The following ASIC2 variants were observed in gnomAD, a reference collection of about 807,000 sequenced individuals.
ASIC2 encodes the protein acid-sensing ion channel 2.
In ASIC2, 25 loss-of-function variants were observed where a neutral mutation model predicts 57.3. That is an observed-to-expected ratio of 0.44 (90% CI 0.32 to 0.61). The LOEUF is 0.61. ASIC2 is among the 20% of genes least tolerant of loss of function. The probability of loss-of-function intolerance (pLI) is 0.06; values close to 1 mark genes in which losing one functional copy is unlikely to be tolerated. For missense variants in ASIC2, 641 were observed against 738.1 expected, an observed-to-expected ratio of 0.87 and a Z score of 1.52; for synonymous variants, 319 against 307.5, an observed-to-expected ratio of 1.04 and a Z score of -0.39.
chr17:33,086,515 G>T (rs991426679), intron 3 of ASIC2, among the ~76,000 whole-genome samples: 1 of 152,128 alleles, frequency 6.6e-6, no homozygotes, highest in Non-Finnish European at 1.5e-5. Context: ...AGGGATGTGG[G>T]TTTACTCATA....
intron 1 of ASIC2, among the ~76,000 whole-genome samples, chr17:33,824,898 G>A (rs888867762): frequency 1.3e-5 from 2 of 152,116 alleles, no homozygotes; most frequent in African/African-American, 2.4e-5. Context: ...CCAGTCTCGG[G>A]TATGTCTTTA....
At chr17:33,323,924 C>G (rs1346014118) in intron 1 of ASIC2, among the ~76,000 whole-genome samples, 1 of 151,792 alleles carries the variant, frequency 6.6e-6, no homozygotes, top group Non-Finnish European at 1.5e-5. Context: ...CTTGTTTTTG[C>G]TTTGGGCATT....
chr17:33,167,485 C>G (rs1905346707), intron 1 of ASIC2, among the ~76,000 whole-genome samples: 1 of 152,154 alleles, frequency 6.6e-6, no homozygotes, highest in South Asian at 2.1e-4. Context: ...CTGCCCTGCC[C>G]CCACTACCCC....
chr17:33,261,199 G>A (rs1909267218), intron 1 of ASIC2, among the ~76,000 whole-genome samples: 1 of 152,116 alleles, frequency 6.6e-6, no homozygotes, highest in Non-Finnish European at 1.5e-5. Flanking sequence ...CTAGCTTTTT[G>A]CCTCTTATTT....
intron 1 of ASIC2, among the ~76,000 whole-genome samples, chr17:33,400,520 C>T (rs1430768090): frequency 6.6e-6 from 1 of 152,046 alleles, no homozygotes; most frequent in Non-Finnish European, 1.5e-5. Context: ...GACTCTACTC[C>T]CTTCTTGAAG....
At chr17:34,020,331 G>C (rs1433465660) in intron 1 of ASIC2, among the ~76,000 whole-genome samples, 1 of 152,166 alleles carries the variant, frequency 6.6e-6, no homozygotes, top group Non-Finnish European at 1.5e-5. Context: ...TGACATCTCA[G>C]ATCTTCAAAT....
intron 1 of ASIC2, among the ~76,000 whole-genome samples, chr17:33,898,348 G>A (rs1004699474): frequency 7.0e-6 from 1 of 143,578 alleles, no homozygotes. Context: ...CTATTCTCCT[G>A]CCTCAACTTC....
chr17:33,518,082 G>T lies in ASIC2; in HGVS notation c.556-406015C>A, dbSNP rs894176011. 2.6e-5 allele frequency among the ~76,000 whole-genome samples: 4 copies of T among 152,156 alleles called. No homozygotes were observed. The South Asian group carries it at 8.3e-4, about 32-fold the overall frequency. ...AAATATCTATTTGCCCCTCTGATGT[G>T]CAGGAACAGTGCAAGAGATGAGTGT... On this transcript the variant is annotated intron_variant, in intron 1 of 9. Coordinates refer to the ASIC2 transcript ENST00000359872.
chr17:33,395,793 T>A (rs545832870), intron 1 of ASIC2, among the ~76,000 whole-genome samples: 2 of 152,326 alleles, frequency 1.3e-5, no homozygotes, highest in Admixed American at 6.5e-5. Context: ...GATTTTCCCA[T>A]GAGATGCCTG....
intron 1 of ASIC2, among the ~76,000 whole-genome samples, chr17:33,212,155 T>TA: frequency 6.6e-6 from 1 of 152,234 alleles, no homozygotes; most frequent in Non-Finnish European, 1.5e-5. Context: ...TCTGCACAGA[T>TA]ATCCACGTCC....
Position 33,875,053 on chromosome 17 carries a change from C to G in ASIC2, c.555+280925G>C, listed in dbSNP as rs57012419. On this transcript the variant is annotated intron_variant, in intron 1 of 9. Transcript: ENST00000359872. Reference sequence around the variant, plus strand: ...GATCATGCATTTGAGCCAATATCTACTGGAGCTATTCACCTGGAGAGCCAA... The same window carrying G: ...GATCATGCATTTGAGCCAATATCTAGTGGAGCTATTCACCTGGAGAGCCAA... 4.1e-3 allele frequency among the ~76,000 whole-genome samples: 630 copies of G among 152,264 alleles called. 30 individuals are homozygous for G. The East Asian group carries it at 0.097, about 23-fold the overall frequency.
At chr17:33,963,176 G>T (rs558981528) in intron 1 of ASIC2, among the ~76,000 whole-genome samples, 40 of 152,220 alleles carry the variant, frequency 2.6e-4, no homozygotes, top group African/African-American at 9.6e-4. Context: ...CTGGACTGGT[G>T]CCCAGACTCT....
chr17:34,040,055 G>A (rs1040675206), intron 1 of ASIC2, among the ~76,000 whole-genome samples: 1 of 147,392 alleles, frequency 6.8e-6, no homozygotes, highest in African/African-American at 2.5e-5. Flanking sequence ...CGAGAGGGCG[G>A]GCGGGGGAGG....
At chr17:33,865,387 G>C (rs761466369) in intron 1 of ASIC2, among the ~76,000 whole-genome samples, 1 of 152,096 alleles carries the variant, frequency 6.6e-6, no homozygotes, top group African/African-American at 2.4e-5. Flanking sequence ...TAAAGTAATA[G>C]ATGTTGTTAA....
chr17:33,183,842 C>T (rs1235138686), intron 1 of ASIC2, among the ~76,000 whole-genome samples: 7 of 152,134 alleles, frequency 4.6e-5, no homozygotes, highest in East Asian at 1.9e-4. Context: ...AATTGGTTAG[C>T]GGTAGAAGTC....
intron 3 of ASIC2, among the ~76,000 whole-genome samples, chr17:33,075,665 TG>T (rs1435078972): frequency 6.6e-6 from 1 of 152,094 alleles, no homozygotes; most frequent in Non-Finnish European, 1.5e-5. Flanking sequence ...CCAGGCCTTC[TG>T]GGGGAAACTT....
intron 1 of ASIC2, among the ~76,000 whole-genome samples, chr17:33,367,571 C>A (rs996791658): frequency 6.6e-6 from 1 of 152,254 alleles, no homozygotes; most frequent in African/African-American, 2.4e-5. Context: ...ACTCTGATAC[C>A]TGCCTCCCTT....
chr17:34,094,293 A>G (rs1910440159), intron 1 of ASIC2, among the ~76,000 whole-genome samples: 1 of 152,188 alleles, frequency 6.6e-6, no homozygotes, highest in Non-Finnish European at 1.5e-5. Context: ...GCCTTACGTG[A>G]TAACAGAAAA....
intron 1 of ASIC2, among the ~76,000 whole-genome samples, chr17:33,315,710 T>G (rs1906617930): frequency 6.6e-6 from 1 of 152,238 alleles, no homozygotes; most frequent in Non-Finnish European, 1.5e-5. Context: ...ATGCTTCACT[T>G]GATACTTGAT....
Sources: allele counts gnomAD v4.1 joint callset (sites outside exome capture counted in the v4.1 genomes callset), GRCh38; gene constraint gnomAD v4.1.1; transcripts MANE v1.5; gene names NCBI Gene and HGNC (gene_info 2026-07-23, HGNC 2026-07-21).